The following TBL1X variants were observed in gnomAD, a reference collection of about 807,000 sequenced individuals.
TBL1X encodes F-box-like/WD repeat-containing protein TBL1X.
A neutral mutation model predicts 50.7 loss-of-function variants in TBL1X; 10 were observed. The ratio of observed to expected loss-of-function variants is 0.20; its 90% confidence interval spans 0.12 to 0.33. The LOEUF (loss-of-function observed/expected upper bound fraction) is 0.33, where lower values mean the gene tolerates loss of function less well. Ranked by LOEUF, TBL1X falls within the 10% of genes least tolerant of loss-of-function variation. The pLI is 1.00. For missense variants in TBL1X, 340 were observed against 504.4 expected, an observed-to-expected ratio of 0.67 and a Z score of 3.12; for synonymous variants, 190 against 214.7, an observed-to-expected ratio of 0.88 and a Z score of 1.01.
At chrX:9,540,491 C>T (rs1011631893) in intron 2 of TBL1X, among the ~76,000 whole-genome samples, 9 of 112,334 alleles carry the variant, frequency 8.0e-5, no homozygotes. Flanking sequence ...AGTCTTCTTG[C>T]CCTGTTTTTC....
chrX:9,640,203 A>T (rs561377318), intron 2 of TBL1X, 70 bp from the exon 3 acceptor site: 2 of 112,437 alleles, frequency 1.8e-5, no homozygotes, highest in African/African-American at 6.5e-5. Context: ...AAGGAACGGG[A>T]TGGTTGAGAG....
At position 9,711,740 on chromosome X, in the gene TBL1X, A is replaced by G. The variant is rs753630597; in HGVS notation, c.1569A>G (p.Gly523=). 8.3e-7 allele frequency: 1 copy of G among 1,205,819 alleles called. No homozygotes were observed. Among genetic ancestry groups the G allele is most frequent in the Non-Finnish European group, 1.1e-6 (1 of 892,083 alleles). The change falls in exon 16 of 18, where the codon GGA becomes GGG. Residue 523 remains glycine (G), a synonymous_variant. Coordinates refer to ENST00000645353, the MANE Select transcript of TBL1X (RefSeq NM_005647.4). ...FSPDGKYLAS[G]SFDKCVHIWN... is the part of the protein sequence containing the mutation. Reference sequence around the variant, plus strand: ...CTGATGGGAAGTACTTGGCCAGTGGATCCTTCGACAAGTGCGTCCATATCT... The same window carrying G: ...CTGATGGGAAGTACTTGGCCAGTGGGTCCTTCGACAAGTGCGTCCATATCT...
Position 9,582,067 on chromosome X carries a change from G to A in TBL1X, c.-130-58206G>A, listed in dbSNP as rs777511700. Among the ~76,000 whole-genome samples the A allele has an allele frequency of 5.3e-5, 6 of 112,281 alleles. No individual in the cohort carries two copies. The East Asian group carries it at 8.4e-4, about 16-fold the overall frequency. ...AATGAATGTATCAAGAACCTTCAAC[G>A]TCTTTACAAGAAGCAGGATAACCAT... On this transcript the variant is annotated intron_variant, in intron 2 of 17. Coordinates refer to ENST00000645353, the MANE Select transcript of TBL1X (RefSeq NM_005647.4).
Position 9,648,748 on chromosome X carries a change from TGA to T in TBL1X, c.-42-4793_-42-4792del, listed in dbSNP as rs981018013. Reference sequence around the variant, plus strand: ...GGTTTGCAGTGACCTTCTCTGTGCTTGAGAGTTCTGCTACACTACGAATACCA... The same window carrying T: ...GGTTTGCAGTGACCTTCTCTGTGCTTGAGTTCTGCTACACTACGAATACCA... On this transcript the variant is annotated intron_variant, in intron 3 of 17. Transcript: ENST00000645353. Among the ~76,000 whole-genome samples, 78 of 112,498 alleles carry T rather than the reference TGA, an allele frequency of 6.9e-4. 1 individual carries two copies. Among genetic ancestry groups the T allele is most frequent in the Non-Finnish European group, 1.3e-4 (7 of 53,292 alleles).
intron 2 of TBL1X, among the ~76,000 whole-genome samples, chrX:9,603,724 T>C (rs1481486646): frequency 8.9e-6 from 1 of 111,739 alleles, no homozygotes; most frequent in Non-Finnish European, 1.9e-5. Context: ...ACTGGCTGGC[T>C]TAAAACATGT....
chrX:9,480,808 A>G (rs2081878204), intron 1 of TBL1X, among the ~76,000 whole-genome samples: 1 of 87,669 alleles, frequency 1.1e-5, no homozygotes. Context: ...GATATTAAAT[A>G]CTGTAAAGTC....
At chrX:9,572,573 A>G (rs1467982477) in intron 2 of TBL1X, among the ~76,000 whole-genome samples, 1 of 112,921 alleles carries the variant, frequency 8.9e-6, no homozygotes, top group Non-Finnish European at 1.9e-5. Flanking sequence ...TCACTGCTCT[A>G]TCTTTGGATG....
At chrX:9,667,968 A>G (rs1179509846) in intron 5 of TBL1X, among the ~76,000 whole-genome samples, 3 of 112,133 alleles carry the variant, frequency 2.7e-5, no homozygotes, top group African/African-American at 6.5e-5. Flanking sequence ...TAGGACACCT[A>G]AAGTCCAAAA....
intron 5 of TBL1X, among the ~76,000 whole-genome samples, chrX:9,673,982 C>G (rs912241126): frequency 3.6e-5 from 4 of 112,083 alleles, no homozygotes; most frequent in African/African-American, 1.3e-4. Flanking sequence ...AGGAGAATCA[C>G]TTGAACCCGG....
intron 2 of TBL1X, among the ~76,000 whole-genome samples, chrX:9,548,177 T>G (rs1427102405): frequency 1.8e-5 from 2 of 110,465 alleles, no homozygotes; most frequent in Non-Finnish European, 3.8e-5. Context: ...TTTGATAATG[T>G]AAGTTAAATT....
chrX:9,613,312 C>T (rs2082622889), intron 2 of TBL1X, among the ~76,000 whole-genome samples: 1 of 111,603 alleles, frequency 9.0e-6, no homozygotes, highest in Non-Finnish European at 1.9e-5. Context: ...GGTGGCCAAG[C>T]TGCCCAGCAC....
chrX:9,712,328 G>T (rs921314334), intron 16 of TBL1X, among the ~76,000 whole-genome samples: 3 of 112,227 alleles, frequency 2.7e-5, no homozygotes, highest in Non-Finnish European at 3.8e-5. Flanking sequence ...TTTTGTTGTT[G>T]TTGTTTTTTG....
chrX:9,708,853 G>A (rs1279631277), intron 13 of TBL1X, among the ~76,000 whole-genome samples: 1 of 111,865 alleles, frequency 8.9e-6, no homozygotes, highest in Non-Finnish European at 1.9e-5. Flanking sequence ...GGGAGACAGA[G>A]TGAGACCCTG....
chrX:9,655,648 G>C (rs2082861354), intron 5 of TBL1X, among the ~76,000 whole-genome samples: 1 of 111,316 alleles, frequency 9.0e-6, no homozygotes, highest in Non-Finnish European at 1.9e-5. Context: ...CTTGATATCA[G>C]ATTGTATATA....
chrX:9,525,080 C>G (rs1391668147), intron 2 of TBL1X, among the ~76,000 whole-genome samples: 1 of 110,962 alleles, frequency 9.0e-6, no homozygotes, highest in Non-Finnish European at 1.9e-5. Flanking sequence ...GTTCCTTGGA[C>G]CAGGGTGTGG....
chrX:9,579,004 T>G (rs1438839722), intron 2 of TBL1X, among the ~76,000 whole-genome samples: 1 of 111,965 alleles, frequency 8.9e-6, no homozygotes, highest in Non-Finnish European at 1.9e-5. Flanking sequence ...TAAAATTTCT[T>G]GAAGCAGAGA....
intron 5 of TBL1X, among the ~76,000 whole-genome samples, chrX:9,658,810 T>G (rs748021706): frequency 9.0e-6 from 1 of 111,455 alleles, no homozygotes; most frequent in Non-Finnish European, 1.9e-5. Context: ...TTTTGTTTTT[T>G]GAGACTCACT....
chrX:9,626,524 C>T (rs2082693901), intron 2 of TBL1X, among the ~76,000 whole-genome samples: 1 of 112,096 alleles, frequency 8.9e-6, no homozygotes, highest in Admixed American at 9.4e-5. Flanking sequence ...CTGCCCGCCC[C>T]ACAGGGTTTG....
intron 2 of TBL1X, among the ~76,000 whole-genome samples, chrX:9,607,724 A>C (rs1396057679): frequency 8.9e-6 from 1 of 112,642 alleles, no homozygotes; most frequent in African/African-American, 3.2e-5. Context: ...CAAGGGAGAA[A>C]ATAGCTGAAA....
Sources: allele counts gnomAD v4.1 joint callset (sites outside exome capture counted in the v4.1 genomes callset), GRCh38; gene constraint gnomAD v4.1.1; transcripts MANE v1.5; gene names NCBI Gene and HGNC (gene_info 2026-07-23, HGNC 2026-07-21).